ERBIN: variants seen among roughly 807,000 people sequenced by gnomAD.
ERBIN encodes erbb2 interacting protein.
Under a neutral mutation model 158.4 loss-of-function variants are expected in ERBIN, and 60 were observed. That is an observed-to-expected ratio of 0.38 (90% CI 0.31 to 0.47). ERBIN has a LOEUF of 0.47. Ranked by LOEUF, ERBIN falls within the 20% of genes least tolerant of loss-of-function variation. ERBIN has a pLI of 0.99. For missense variants in ERBIN, 1,610 were observed against 1,648.0 expected, an observed-to-expected ratio of 0.98 and a Z score of 0.40; for synonymous variants, 594 against 557.2, an observed-to-expected ratio of 1.07 and a Z score of -0.93.
intron 1 of ERBIN, among the ~76,000 whole-genome samples, chr5:65,975,615 A>G (rs576472798): frequency 2.0e-5 from 3 of 152,110 alleles, no homozygotes; most frequent in Non-Finnish European, 4.4e-5. Context: ...TAGATTGTCT[A>G]TTGAATTTAG....
chr5:65,983,629 T>A (rs1750886003), intron 1 of ERBIN, among the ~76,000 whole-genome samples: 1 of 152,236 alleles, frequency 6.6e-6, no homozygotes, highest in Admixed American at 6.5e-5. Context: ...CTAATAGGTG[T>A]GGGCATGCCT....
intron 1 of ERBIN, among the ~76,000 whole-genome samples, chr5:65,987,589 C>T (rs898093165): frequency 5.3e-5 from 8 of 151,802 alleles, no homozygotes; most frequent in Non-Finnish European, 8.8e-5. Flanking sequence ...TGGTGGCTCA[C>T]GCCTGTTAAT....
chr5:65,954,376 T>C (rs958581367), intron 1 of ERBIN, among the ~76,000 whole-genome samples: 1 of 152,160 alleles, frequency 6.6e-6, no homozygotes, highest in Non-Finnish European at 1.5e-5. Context: ...TGGGAAAGTA[T>C]GTTGTGCAAG....
At chr5:66,072,842 A>G (rs966728294) in intron 22 of ERBIN, among the ~76,000 whole-genome samples, 1 of 152,094 alleles carries the variant, frequency 6.6e-6, no homozygotes, top group Non-Finnish European at 1.5e-5. Context: ...TTATTTTCTT[A>G]ACTGATTCCA....
chr5:65,952,146 A>C (rs149390397), intron 1 of ERBIN, among the ~76,000 whole-genome samples: 3 of 151,986 alleles, frequency 2.0e-5, no homozygotes, highest in Admixed American at 6.5e-5. Context: ...AACACAGGAT[A>C]CTCTTATTTT....
At chr5:66,036,285 C>T (rs1209460836) in intron 14 of ERBIN, among the ~76,000 whole-genome samples, 3 of 152,148 alleles carry the variant, frequency 2.0e-5, no homozygotes, top group African/African-American at 7.2e-5. Flanking sequence ...ATTCTTTAAT[C>T]TGATCCCAGC....
At chr5:66,003,468 G>A (rs1267032092) in intron 4 of ERBIN, among the ~76,000 whole-genome samples, 2 of 152,126 alleles carry the variant, frequency 1.3e-5, no homozygotes, top group Admixed American at 6.5e-5. Flanking sequence ...CTATGATTGG[G>A]TATCTTAATG....
intron 14 of ERBIN, 92 bp downstream of exon 14, chr5:66,028,435 A>C: frequency 1.1e-6 from 1 of 923,364 alleles, no homozygotes; most frequent in East Asian, 2.5e-5. Context: ...AAGAGCAGCT[A>C]TACATGTGGT....
At chr5:65,981,719 C>G (rs1218223980) in intron 1 of ERBIN, among the ~76,000 whole-genome samples, 2 of 152,048 alleles carry the variant, frequency 1.3e-5, no homozygotes, top group Non-Finnish European at 2.9e-5. Flanking sequence ...TGGCTTAAAA[C>G]GATAGCAGTT....
At chr5:65,946,778 T>G (rs936999927) in intron 1 of ERBIN, among the ~76,000 whole-genome samples, 20 of 151,244 alleles carry the variant, frequency 1.3e-4, no homozygotes, top group African/African-American at 4.4e-4. Flanking sequence ...AGCCAGCAAT[T>G]GGTTGTTACT....
chr5:65,945,200 A>G (rs1036709092), intron 1 of ERBIN, among the ~76,000 whole-genome samples: 4 of 152,218 alleles, frequency 2.6e-5, no homozygotes, highest in African/African-American at 7.2e-5. Context: ...AGGCCATTGA[A>G]CCAAGTCTTG....
At chr5:65,975,350 GGC>G (rs1207805607) in intron 1 of ERBIN, among the ~76,000 whole-genome samples, 1 of 152,096 alleles carries the variant, frequency 6.6e-6, no homozygotes, top group Non-Finnish European at 1.5e-5. Flanking sequence ...CTGTCACCCA[GGC>G]TGTAGTACAG....
intron 1 of ERBIN, among the ~76,000 whole-genome samples, chr5:65,959,910 G>T (rs1187621807): frequency 6.6e-6 from 1 of 152,150 alleles, no homozygotes; most frequent in Non-Finnish European, 1.5e-5. Flanking sequence ...AAGGCTTTGC[G>T]TTGGAGTTAA....
At chr5:66,060,480 C>CA (rs1439824630) in intron 21 of ERBIN, among the ~76,000 whole-genome samples, 2 of 152,064 alleles carry the variant, frequency 1.3e-5, no homozygotes, top group Non-Finnish European at 2.9e-5. Context: ...TTGATCCTTT[C>CA]AAAAAACCAG....
chr5:65,984,779 A>G (rs867199362), intron 1 of ERBIN: 2 of 152,194 alleles, frequency 1.3e-5, no homozygotes, highest in Non-Finnish European at 2.9e-5. Context: ...GCAGGATGCT[A>G]ATCCATGAAG....
In ERBIN at chr5:65,948,762, G is replaced by GTTTTTTT. The variant is rs59712256; in HGVS notation, c.-58+21969_-58+21975dup. Among the ~76,000 whole-genome samples, 69 of 105,612 alleles carry GTTTTTTT rather than the reference G, an allele frequency of 6.5e-4. 10 individuals carry two copies. The highest frequency in any genetic ancestry group is 7.7e-4 in the African/African-American group (21 of 27,224). The allele number at this position is 105,612 out of a possible 152,430, so 69.3% of individuals were successfully genotyped here. ...ATGACATACTGGAGTTCTGTTTTGCGTTTTTTTTTTTTTTTTTTTGAGACA... is the reference window on the plus strand; with the variant it reads ...ATGACATACTGGAGTTCTGTTTTGCGTTTTTTTTTTTTTTTTTTTTTTTTTTGAGACA... On this transcript the variant is annotated intron_variant, in intron 1 of 25. Transcript: ENST00000284037.
intron 1 of ERBIN, among the ~76,000 whole-genome samples, chr5:65,958,649 G>C (rs1747560578): frequency 6.6e-6 from 1 of 150,922 alleles, no homozygotes; most frequent in Admixed American, 6.6e-5. Flanking sequence ...GGAGAGAGAG[G>C]GAGACCGTGA....
chr5:66,049,774 G>T (rs1239643935), intron 19 of ERBIN, among the ~76,000 whole-genome samples: 1 of 151,878 alleles, frequency 6.6e-6, no homozygotes, highest in African/African-American at 2.4e-5. Context: ...GATTTGGCTA[G>T]AATTCAGTTA....
chr5:65,934,010 C>T (rs1743766509), intron 1 of ERBIN, among the ~76,000 whole-genome samples: 1 of 152,132 alleles, frequency 6.6e-6, no homozygotes, highest in African/African-American at 2.4e-5. Flanking sequence ...AGTTCTCCTG[C>T]CTCAGCCTCC....
Sources: allele counts gnomAD v4.1 joint callset (sites outside exome capture counted in the v4.1 genomes callset), GRCh38; gene constraint gnomAD v4.1.1; transcripts MANE v1.5; gene names NCBI Gene and HGNC (gene_info 2026-07-23, HGNC 2026-07-21).